EFCAB8: variants seen among roughly 807,000 people sequenced by gnomAD.
EFCAB8 encodes the protein EF-hand calcium binding domain 8.
EFCAB8 carries 100 observed loss-of-function variants against 116.3 expected under a neutral mutation model. The observed-to-expected ratio is 0.86, with a 90% CI of 0.73 to 1.02. The LOEUF is 1.02. EFCAB8 is among the 50% of genes least tolerant of loss of function. The pLI is 0.00. For synonymous variants in EFCAB8, 558 were observed against 567.9 expected (o/e 0.98, Z 0.25); for missense variants, 1,320 against 1,416.9 (o/e 0.93, Z 1.10).
chr20:32,906,409 G>T (rs894008324), intron 11 of EFCAB8, among the ~76,000 whole-genome samples, 153 bp from the exon 12 acceptor site: 27 of 152,028 alleles, frequency 1.8e-4, no homozygotes, highest in Admixed American at 1.6e-3. Flanking sequence ...GGTCTCTGGG[G>T]CTACTCCTCT....
intron 23 of EFCAB8, among the ~76,000 whole-genome samples, chr20:32,957,582 C>A (rs965738916): frequency 6.6e-6 from 1 of 152,144 alleles, no homozygotes; most frequent in Non-Finnish European, 1.5e-5. Context: ...TGATCTCATT[C>A]GGCTTTTCTA....
intron 17 of EFCAB8, among the ~76,000 whole-genome samples, chr20:32,915,497 T>C (rs1210785346): frequency 6.6e-6 from 1 of 152,186 alleles, no homozygotes. Flanking sequence ...TTAACATCCA[T>C]ATTTCTACCA....
chr20:32,918,375 A>G lies in EFCAB8; in HGVS notation c.2075A>G (p.Asn692Ser). The G allele has an allele frequency of 1.9e-6, 3 of 1,551,732 alleles. No homozygotes were observed. Among genetic ancestry groups the G allele is most frequent in the Non-Finnish European group, 2.6e-6 (3 of 1,146,982 alleles). ...PLQPKRVQDV[N>S]NCLAESHRPS... ...TTCTTGGTACAGGTGCAAGATGTGAACAACTGCCTGGCTGAGAGCCACAGG... is the reference window on the plus strand; with the variant it reads ...TTCTTGGTACAGGTGCAAGATGTGAGCAACTGCCTGGCTGAGAGCCACAGG... Residue 692 changes from asparagine to serine, a missense_variant, in exon 19 of 27, where the codon AAC becomes AGC. By Grantham distance (46) the Asn-to-Ser change is conservative (BLOSUM62 1). Coordinates refer to ENST00000400522, the MANE Select transcript of EFCAB8 (RefSeq NM_001143967.2).
Position 32,961,461 on chromosome 20 carries a change from C to T in EFCAB8, c.3719C>T (p.Thr1240Ile). ...RPQSASTAHS[T>I]PSVPSPVSKS... ...CAGTCAGCCTCCACAGCCCATTCCA[C>T]CCCCTCGGTCCCATCCCCGGTGTCC... The change falls in exon 27 of 27, where the codon ACC becomes ATC. Residue 1240 changes from threonine (T) to isoleucine (I), a missense_variant. By Grantham distance (89) the Thr-to-Ile change is moderately conservative. Coordinates refer to ENST00000400522, the MANE Select transcript of EFCAB8 (RefSeq NM_001143967.2). The T allele has an allele frequency of 6.9e-7, 1 of 1,451,552 alleles. No individual in the cohort carries two copies. The highest frequency in any genetic ancestry group is 9.1e-7 in the Non-Finnish European group (1 of 1,098,962). 89.9% of individuals were successfully genotyped at this position (1,451,552 alleles called of 1,614,324 possible).
At chr20:32,870,175 A>G (rs1388573618) in intron 3 of EFCAB8, among the ~76,000 whole-genome samples, 2 of 152,160 alleles carry the variant, frequency 1.3e-5, no homozygotes, top group Non-Finnish European at 2.9e-5. Flanking sequence ...GAGACCTAGG[A>G]GGGACAATTT....
Position 32,877,207 on chromosome 20 carries a change from C to CTTTTTTT in EFCAB8, c.327+1176_327+1182dup, listed in dbSNP as rs757130907. 8.1e-3 allele frequency among the ~76,000 whole-genome samples: 930 copies of CTTTTTTT among 114,982 alleles called. 25 individuals carry two copies. Among genetic ancestry groups the CTTTTTTT allele is most frequent in the Non-Finnish European group, 0.013 (724 of 55,146 alleles). The allele number at this position is 114,982 out of a possible 152,430, so 75.4% of individuals were successfully genotyped here. ...TTTTCTTGTTTTTATTTATTTCTTTCTTTTTTTTTTTTTTTTTTTGAGATG... is the reference window on the plus strand; with the variant it reads ...TTTTCTTGTTTTTATTTATTTCTTTCTTTTTTTTTTTTTTTTTTTTTTTTTTGAGATG... On this transcript the variant is annotated intron_variant, in intron 4 of 26. Transcript: ENST00000400522.
At position 32,906,968 on chromosome 20, in the gene EFCAB8, A is replaced by G. The variant is rs956124144; in HGVS notation, c.1282A>G (p.Ile428Val). ...CCTTGTGGATAGCAGGAACAACAGCATCCTCATCAGTGTCTCCAAGGACAA... is the reference window on the plus strand; with the variant it reads ...CCTTGTGGATAGCAGGAACAACAGCGTCCTCATCAGTGTCTCCAAGGACAA... ...HILVDSRNNS[I>V]LISVSKDKNI... Residue 428 changes from isoleucine to valine, a missense_variant, in exon 13 of 27, where the codon ATC (isoleucine) becomes GTC (valine). Physicochemically the swap from Ile to Val is conservative, Grantham distance 29 (BLOSUM62 3). Coordinates refer to ENST00000400522, the MANE Select transcript of EFCAB8 (RefSeq NM_001143967.2). 12 of 1,533,104 alleles carry G rather than the reference A, an allele frequency of 7.8e-6. No individual in the cohort carries two copies. The Admixed American group carries it at 2.4e-4, about 31-fold the overall frequency. The allele number at this position is 1,533,104 out of a possible 1,614,324, so 95.0% of individuals were successfully genotyped here. A position where few individuals can be genotyped will look rare whatever the true frequency, so the allele number is the denominator to read the frequency against.
intron 4 of EFCAB8, among the ~76,000 whole-genome samples, chr20:32,876,623 A>G (rs1984989727): frequency 6.6e-6 from 1 of 152,174 alleles, no homozygotes; most frequent in Non-Finnish European, 1.5e-5. Flanking sequence ...CTCTCTATGT[A>G]TTATTTTACT....
intron 7 of EFCAB8, among the ~76,000 whole-genome samples, chr20:32,890,496 G>C (rs571404421): frequency 1.9e-4 from 17 of 88,236 alleles, no homozygotes; most frequent in Admixed American, 7.8e-4. Flanking sequence ...CAGACTGGAA[G>C]GTCAGGGACT....
rs181931079 is a variant in EFCAB8 at position 32,875,410 on chromosome 20, C to G, written c.209-516C>G. Among the ~76,000 whole-genome samples, 51 of 151,938 alleles carry G rather than the reference C, an allele frequency of 3.4e-4. No individual in the cohort carries two copies. The East Asian group carries it at 9.3e-3, about 28-fold the overall frequency. ...CCCCGTCTTTGGCTGGAGCCATCTC[C>G]CTTCTGTGCCCCCTGCAGTGGACCA... On this transcript the variant is annotated intron_variant, in intron 3 of 26. Transcript: ENST00000400522.
chr20:32,905,704 G>A (rs1986640600), intron 11 of EFCAB8, among the ~76,000 whole-genome samples: 1 of 136,174 alleles, frequency 7.3e-6, no homozygotes, highest in Non-Finnish European at 1.5e-5. Context: ...AGGTTGCAGT[G>A]AGCCAAGATC....
chr20:32,870,162 A>G (rs1223370439), intron 3 of EFCAB8, among the ~76,000 whole-genome samples: 2 of 152,204 alleles, frequency 1.3e-5, no homozygotes, highest in African/African-American at 4.8e-5. Context: ...GAACGAGTAA[A>G]GTGAGACCTA....
intron 5 of EFCAB8, among the ~76,000 whole-genome samples, chr20:32,883,457 G>T (rs976289241): frequency 2.0e-5 from 3 of 152,092 alleles, no homozygotes; most frequent in Non-Finnish European, 4.4e-5. Flanking sequence ...GTGTGGGCCT[G>T]GGCAATCTTA....
intron 1 of EFCAB8, among the ~76,000 whole-genome samples, chr20:32,860,301 C>G (rs1028998609): frequency 6.7e-6 from 1 of 148,330 alleles, no homozygotes; most frequent in East Asian, 2.1e-4. Context: ...GTGAGACTCT[C>G]AAAAATAAAA....
rs942108425 is a variant in EFCAB8, at chr20:32,930,430, G to A, written c.2445G>A (p.Pro815=). The change falls in exon 21 of 27, where the codon CCG becomes CCA. Residue 815 remains proline, a synonymous_variant. Transcript: ENST00000400522. The part of the protein sequence containing the change: ...IIFLQTRPRL[P]HTAALLSSCM... ...TCCTGCAGACCAGGCCTCGCCTGCC[G>A]CACACGGCTGCCCTGCTGAGCAGCT... is the stretch of plus-strand genomic sequence containing the variant. 15 of 1,551,412 alleles carry A rather than the reference G, an allele frequency of 9.7e-6. No individual in the cohort carries two copies. The highest frequency in any genetic ancestry group is 3.9e-5 in the Admixed American group (2 of 50,982).
At chr20:32,866,771 C>T in intron 2 of EFCAB8, among the ~76,000 whole-genome samples, 1 of 141,946 alleles carries the variant, frequency 7.0e-6, no homozygotes, top group Non-Finnish European at 1.5e-5. Context: ...TTCTTCCCTT[C>T]CTCCCTTTCT....
chr20:32,867,731 C>T lies in EFCAB8; in HGVS notation c.192C>T (p.Asp64=), dbSNP rs768176723. Residue 64 remains aspartate (D), a synonymous_variant, in exon 3 of 27, where the codon GAC becomes GAT. Coordinates refer to ENST00000400522, the MANE Select transcript of EFCAB8 (RefSeq NM_001143967.2). The stretch of plus-strand genomic sequence containing the variant: ...AGATAGAGAAAATGTTTGAGGAGGA[C>T]ATCAACTCGACTGGAGGTAAGGCCG... ...LAKIEKMFEE[D]INSTGALGMD... is the part of the protein sequence containing the mutation. 6.4e-7 allele frequency: 1 copy of T among 1,551,504 alleles called. No individual in the cohort carries two copies.
chr20:32,920,270 A>G (rs1987387949), intron 20 of EFCAB8, 55 bp downstream of exon 20: 3 of 1,540,630 alleles, frequency 1.9e-6, no homozygotes, highest in Admixed American at 2.0e-5. Flanking sequence ...GGCGGTCAGG[A>G]TTGGGTGGTC....
Position 32,896,529 on chromosome 20 carries a change from T to C in EFCAB8, c.957+2T>C. ...TTGCATAGAAGCTACCGGCTGAAGG[T>C]GAGTTTTTTCTTTCCTTGGCCTGTT... is the stretch of plus-strand genomic sequence containing the variant. On this transcript the variant is annotated splice_donor_variant, in intron 10 of 26. Transcript: ENST00000400522. LOFTEE classifies it high-confidence loss of function. 1 of 718,770 alleles carries C rather than the reference T, an allele frequency of 1.4e-6. No individual in the cohort carries two copies. The allele number at this position is 718,770 out of a possible 1,614,324, so 44.5% of individuals were successfully genotyped here. A position where few individuals can be genotyped will look rare whatever the true frequency, so the allele number is the denominator to read the frequency against.
Sources: allele counts gnomAD v4.1 joint callset (sites outside exome capture counted in the v4.1 genomes callset), GRCh38; gene constraint gnomAD v4.1.1; transcripts MANE v1.5; gene names NCBI Gene and HGNC (gene_info 2026-07-23, HGNC 2026-07-21).